The following PCDH15 variants were observed in gnomAD, a reference collection of about 807,000 sequenced individuals.
PCDH15 encodes the protein protocadherin-15.
In PCDH15, 129 loss-of-function variants were observed where a neutral mutation model predicts 178.5. That is an observed-to-expected ratio of 0.72 (90% confidence interval 0.63 to 0.84). PCDH15 has a LOEUF of 0.84. Among genes scored for constraint, PCDH15 ranks in the 40% least tolerant of loss-of-function variants. The pLI is 0.00. For missense variants in PCDH15, 2,230 were observed against 2,099.9 expected (o/e 1.06, Z -1.21); for synonymous variants, 800 against 732.0 (o/e 1.09, Z -1.50).
At chr10:55,134,506 C>T (rs1262501969) in intron 2 of PCDH15, among the ~76,000 whole-genome samples, 1 of 152,098 alleles carries the variant, frequency 6.6e-6, no homozygotes, top group Non-Finnish European at 1.5e-5. Flanking sequence ...GTGTTGTCAC[C>T]AGTTCCGTGT....
At chr10:55,265,210 T>A (rs973182392) in intron 1 of PCDH15, among the ~76,000 whole-genome samples, 1 of 151,776 alleles carries the variant, frequency 6.6e-6, no homozygotes, top group South Asian at 2.1e-4. Context: ...CTTCTCCCAA[T>A]AGTACTTAAA....
At chr10:54,915,704 G>A (rs1278114648) in intron 2 of PCDH15, among the ~76,000 whole-genome samples, 1 of 152,186 alleles carries the variant, frequency 6.6e-6, no homozygotes, top group Admixed American at 6.5e-5. Flanking sequence ...TCCAAATTGA[G>A]CAGGAAACCT....
chr10:55,401,506 T>C (rs1838065732), intron 2 of PCDH15, among the ~76,000 whole-genome samples: 2 of 152,106 alleles, frequency 1.3e-5, no homozygotes, highest in Admixed American at 1.3e-4. Flanking sequence ...CCCTGACAAT[T>C]ATCTTCAGCT....
intron 21 of PCDH15, among the ~76,000 whole-genome samples, chr10:53,984,127 TTTTTTTTTC>T (rs1361835642): frequency 6.4e-4 from 65 of 101,964 alleles, no homozygotes; most frequent in African/African-American, 2.1e-3. Flanking sequence ...CTTTTCTTTT[TTTTTTTTTC>T]TTTTTTCTTT....
chr10:54,646,058 C>T (rs562631422), intron 2 of PCDH15, among the ~76,000 whole-genome samples: 2 of 152,092 alleles, frequency 1.3e-5, no homozygotes, highest in Non-Finnish European at 2.9e-5. Flanking sequence ...ATTTTATATT[C>T]ACACACTACA....
chr10:54,713,146 T>C (rs899622186), intron 1 of PCDH15, among the ~76,000 whole-genome samples: 2 of 152,014 alleles, frequency 1.3e-5, no homozygotes, highest in African/African-American at 4.8e-5. Context: ...CTTTATTTCA[T>C]AGAATTCATT....
At chr10:55,222,730 C>CACACACACACACATATATATATATAT in intron 1 of PCDH15, among the ~76,000 whole-genome samples, 9 of 121,268 alleles carry the variant, frequency 7.4e-5, no homozygotes, top group African/African-American at 2.7e-4. Context: ...CACACACACA[C>CACACACACACACATATATATATATAT]ATATATATAT....
At chr10:54,392,257 G>C (rs1456176323) in intron 3 of PCDH15, among the ~76,000 whole-genome samples, 1 of 149,664 alleles carries the variant, frequency 6.7e-6, no homozygotes, top group South Asian at 2.1e-4. Context: ...CTGAGGCCAG[G>C]AGTTCAAGGT....
chr10:54,287,881 G>T (rs945313568), intron 8 of PCDH15, among the ~76,000 whole-genome samples: 2 of 152,058 alleles, frequency 1.3e-5, no homozygotes, highest in Non-Finnish European at 2.9e-5. Flanking sequence ...CATCTATTCT[G>T]GTTAGAGATG....
At chr10:54,794,976 C>T (rs1951813398) in intron 1 of PCDH15, among the ~76,000 whole-genome samples, 1 of 151,786 alleles carries the variant, frequency 6.6e-6, no homozygotes, top group African/African-American at 2.4e-5. Flanking sequence ...ACTTTACTTT[C>T]TGGCAAATCT....
intron 2 of PCDH15, among the ~76,000 whole-genome samples, chr10:55,442,470 T>TTA (rs1554869564): frequency 3.4e-4 from 43 of 124,666 alleles, no homozygotes; most frequent in African/African-American, 7.0e-4. Context: ...TATATATATA[T>TTA]TATATATATA....
At chr10:55,351,679 C>T (rs7077391) in intron 2 of PCDH15, among the ~76,000 whole-genome samples, 83,966 of 151,904 alleles carry the variant, frequency 0.55, 23,868 homozygotes, top group African/African-American at 0.67. Flanking sequence ...TTTATTCTTT[C>T]GCTTGATATT....
intron 1 of PCDH15, among the ~76,000 whole-genome samples, chr10:54,738,899 A>T (rs1944441873): frequency 6.6e-6 from 1 of 152,054 alleles, no homozygotes; most frequent in South Asian, 2.1e-4. Flanking sequence ...ACTAAGTATA[A>T]AAGAAGTATA....
intron 8 of PCDH15, among the ~76,000 whole-genome samples, chr10:54,289,275 G>C (rs913253641): frequency 3.9e-5 from 6 of 152,182 alleles, no homozygotes; most frequent in African/African-American, 1.4e-4. Flanking sequence ...CTGCAGCTGA[G>C]GGACCTGAAT....
At chr10:55,625,344 A>T (rs1020229650) in intron 2 of PCDH15, among the ~76,000 whole-genome samples, 1 of 152,164 alleles carries the variant, frequency 6.6e-6, no homozygotes, top group African/African-American at 2.4e-5. Context: ...CAAAAAGATA[A>T]ATACTAGGGA....
chr10:54,206,226 G>A (rs746991770), intron 10 of PCDH15, among the ~76,000 whole-genome samples: 4 of 151,942 alleles, frequency 2.6e-5, no homozygotes, highest in Non-Finnish European at 5.9e-5. Flanking sequence ...GATACAAATC[G>A]ACACTGGAAT....
intron 3 of PCDH15, among the ~76,000 whole-genome samples, chr10:54,474,628 G>A (rs1218467913): frequency 6.6e-6 from 1 of 151,940 alleles, no homozygotes; most frequent in East Asian, 1.9e-4. Context: ...GTCTATGACT[G>A]AGTTAGTTAA....
chr10:55,240,318 A>C (rs1328078032), intron 1 of PCDH15, among the ~76,000 whole-genome samples: 1 of 152,214 alleles, frequency 6.6e-6, no homozygotes, highest in Non-Finnish European at 1.5e-5. Context: ...TTGATTCTAA[A>C]TAATTTTGGA....
intron 15 of PCDH15, among the ~76,000 whole-genome samples, chr10:54,102,651 A>G (rs534681705): frequency 6.6e-6 from 1 of 152,278 alleles, no homozygotes; most frequent in African/African-American, 2.4e-5. Flanking sequence ...TTCTAGGTAG[A>G]AGAAGCTCTA....
Sources: allele counts gnomAD v4.1 joint callset (sites outside exome capture counted in the v4.1 genomes callset), GRCh38; gene constraint gnomAD v4.1.1; transcripts MANE v1.5; gene names NCBI Gene and HGNC (gene_info 2026-07-23, HGNC 2026-07-21).